The following CYP2C19 variants were observed in gnomAD, a reference collection of about 807,000 sequenced individuals.
The protein encoded by CYP2C19 is cytochrome P450 2C19.
Under a neutral mutation model 40.9 loss-of-function variants are expected in CYP2C19, and 59 were observed. That is an observed-to-expected ratio of 1.44 (90% CI 1.17 to 1.79). The LOEUF is 1.79. Ranked by LOEUF, CYP2C19 falls within the 40% of genes most tolerant of loss-of-function variation. CYP2C19 has a pLI of 0.00. For synonymous variants in CYP2C19, 253 were observed against 208.7 expected (o/e 1.21, Z -1.83); for missense variants, 754 against 596.9 (o/e 1.26, Z -2.74).
chr10:94,778,010 A>G (rs751323770), intron 3 of CYP2C19, among the ~76,000 whole-genome samples: 2 of 152,146 alleles, frequency 1.3e-5, no homozygotes, highest in Non-Finnish European at 2.9e-5. Context: ...ACCCTGGCCA[A>G]TGGATGAAAT....
chr10:94,795,014 T>C (rs112038911), intron 5 of CYP2C19, among the ~76,000 whole-genome samples: 7,248 of 151,956 alleles, frequency 0.048, 244 homozygotes, highest in South Asian at 0.11. Flanking sequence ...AATATATATA[T>C]ATTTTTATAC....
intron 3 of CYP2C19, 117 bp from the exon 4 acceptor site, chr10:94,780,378 TAAGG>T: frequency 7.6e-7 from 1 of 1,312,092 alleles, no homozygotes; most frequent in Non-Finnish European, 1.0e-6. Flanking sequence ...TTTTTGCTTT[TAAGG>T]GAATTCATAG....
intron 5 of CYP2C19, among the ~76,000 whole-genome samples, chr10:94,816,325 C>T (rs1266341883): frequency 2.0e-5 from 3 of 148,972 alleles, no homozygotes; most frequent in Non-Finnish European, 4.4e-5. Context: ...TTATGCAAAA[C>T]AAAGTAGCCG....
intron 7 of CYP2C19, among the ~76,000 whole-genome samples, chr10:94,847,208 C>T (rs1485067011): frequency 3.3e-5 from 5 of 152,068 alleles, no homozygotes; most frequent in Non-Finnish European, 5.9e-5. Context: ...GGTATATCTC[C>T]TAATGCTAAC....
chr10:94,813,093 G>GT (rs1291445617), intron 5 of CYP2C19, among the ~76,000 whole-genome samples: 57 of 151,786 alleles, frequency 3.8e-4, no homozygotes, highest in African/African-American at 1.3e-3. Context: ...ATTCCTTTCT[G>GT]TTTGCTAGTT....
intron 6 of CYP2C19, among the ~76,000 whole-genome samples, chr10:94,836,679 G>T (rs112151434): frequency 1.3e-5 from 2 of 152,186 alleles, no homozygotes; most frequent in African/African-American, 2.4e-5. Flanking sequence ...AGCTGGATAC[G>T]TTCCTCACTG....
At position 94,766,502 on chromosome 10, in the gene CYP2C19, T is replaced by C. The variant is rs570084620; in HGVS notation, c.168+3629T>C. Reference sequence around the variant, plus strand: ...CAGCAGGAGCTACAGTATATAGTCCTATTGCAAAGAGTATGGTTAATATGC... The same window carrying C: ...CAGCAGGAGCTACAGTATATAGTCCCATTGCAAAGAGTATGGTTAATATGC... On this transcript the variant is annotated intron_variant, in intron 1 of 8. Transcript: ENST00000371321. 2.0e-5 allele frequency among the ~76,000 whole-genome samples: 3 copies of C among 152,278 alleles called. 1 individual carries two copies. The South Asian group carries it at 6.2e-4, about 32-fold the overall frequency.
chr10:94,842,953 G>T lies in CYP2C19; in HGVS notation c.1078G>T (p.Asp360Tyr), dbSNP rs144036596. 6.2e-7 allele frequency: 1 copy of T among 1,614,188 alleles called. No individual in the cohort carries two copies. The highest frequency in any genetic ancestry group is 8.5e-7 in the Non-Finnish European group (1 of 1,180,030). ...AVVHEVQRYI[D>Y]LIPTSLPHAV... ...GGTGCACGAGGTCCAGAGATACATC[G>T]ACCTCATCCCCACCAGCCTGCCCCA... is the stretch of plus-strand genomic sequence containing the variant. The change falls in exon 7 of 9, where the codon GAC (aspartate) becomes TAC (tyrosine). Residue 360 changes from aspartate (D) to tyrosine (Y), a missense_variant. Transcript: ENST00000371321.
chr10:94,803,120 A>C (rs181131198), intron 5 of CYP2C19, among the ~76,000 whole-genome samples: 1 of 152,294 alleles, frequency 6.6e-6, no homozygotes, highest in African/African-American at 2.4e-5. Context: ...TGGTGGTTTT[A>C]CAATATTCAG....
At chr10:94,793,246 G>A (rs140165946) in intron 5 of CYP2C19, among the ~76,000 whole-genome samples, 1,854 of 152,138 alleles carry the variant, frequency 0.012, 55 homozygotes, top group African/African-American at 0.043. Flanking sequence ...ATTCTAGTTA[G>A]CCATTCGTCT....
chr10:94,802,420 G>C (rs1848778777), intron 5 of CYP2C19, among the ~76,000 whole-genome samples: 1 of 151,810 alleles, frequency 6.6e-6, no homozygotes, highest in Admixed American at 6.6e-5. Context: ...GCTTTTTATT[G>C]CTTTCTATCT....
chr10:94,785,516 T>C (rs1589351162), intron 5 of CYP2C19, among the ~76,000 whole-genome samples: 1 of 152,134 alleles, frequency 6.6e-6, no homozygotes, highest in Admixed American at 6.5e-5. Flanking sequence ...ATTCCATTGG[T>C]CTTGATGTCT....
At chr10:94,837,363 T>C (rs906332346) in intron 6 of CYP2C19, among the ~76,000 whole-genome samples, 1 of 152,094 alleles carries the variant, frequency 6.6e-6, no homozygotes, top group Non-Finnish European at 1.5e-5. Context: ...TTAGTTTAAC[T>C]TGAACAGGAC....
At chr10:94,772,274 G>T (rs767874936) in intron 1 of CYP2C19, among the ~76,000 whole-genome samples, 1 of 152,142 alleles carries the variant, frequency 6.6e-6, no homozygotes. Flanking sequence ...TAAAATTCCA[G>T]ATAGTACCCC....
intron 1 of CYP2C19, 182 bp from the exon 2 acceptor site, chr10:94,774,876 T>C (rs909979830): frequency 7.6e-6 from 5 of 653,720 alleles, no homozygotes; most frequent in East Asian, 2.8e-5. Context: ...TTGAACATCA[T>C]AGGCCATCTG....
At chr10:94,822,611 C>T (rs1328220874) in intron 6 of CYP2C19, among the ~76,000 whole-genome samples, 1 of 152,134 alleles carries the variant, frequency 6.6e-6, no homozygotes, top group Non-Finnish European at 1.5e-5. Flanking sequence ...GCTGGGTCAA[C>T]TAAAGTTCTA....
At chr10:94,795,345 A>G (rs1304744885) in intron 5 of CYP2C19, among the ~76,000 whole-genome samples, 1 of 151,806 alleles carries the variant, frequency 6.6e-6, no homozygotes, top group Non-Finnish European at 1.5e-5. Flanking sequence ...ATCCTTTTTT[A>G]AGGCTGCATA....
chr10:94,829,938 C>T (rs993830505), intron 6 of CYP2C19, among the ~76,000 whole-genome samples: 3 of 152,322 alleles, frequency 2.0e-5, no homozygotes, highest in East Asian at 3.9e-4. Flanking sequence ...TGTGCCCCTG[C>T]TGGGGATTGC....
At chr10:94,814,643 G>A (rs186326809) in intron 5 of CYP2C19, among the ~76,000 whole-genome samples, 5 of 151,508 alleles carry the variant, frequency 3.3e-5, no homozygotes, top group Admixed American at 1.3e-4. Context: ...AGCAGTGTAG[G>A]TTGTTAATGT....
Sources: allele counts gnomAD v4.1 joint callset (sites outside exome capture counted in the v4.1 genomes callset), GRCh38; gene constraint gnomAD v4.1.1; transcripts MANE v1.5; gene names NCBI Gene and HGNC (gene_info 2026-07-23, HGNC 2026-07-21).